The following SEMA6D variants were observed in gnomAD, a reference collection of about 807,000 sequenced individuals.
SEMA6D encodes semaphorin 6D.
SEMA6D carries 35 observed loss-of-function variants against 106.6 expected under a neutral mutation model. The ratio of observed to expected loss-of-function variants is 0.33; its 90% confidence interval spans 0.25 to 0.44. SEMA6D has a LOEUF of 0.44. Ranked by LOEUF, SEMA6D falls within the 20% of genes least tolerant of loss-of-function variation. The pLI, the probability that SEMA6D is intolerant of heterozygous loss-of-function variation, is 1.00. For missense variants in SEMA6D, 1,185 were observed against 1,345.9 expected, an observed-to-expected ratio of 0.88 and a Z score of 1.87; for synonymous variants, 499 against 487.7, an observed-to-expected ratio of 1.02 and a Z score of -0.31.
intron 1 of SEMA6D, among the ~76,000 whole-genome samples, chr15:47,352,841 A>G (rs1236562426): frequency 2.0e-5 from 3 of 152,204 alleles, no homozygotes; most frequent in African/African-American, 4.8e-5. Flanking sequence ...GTCACCCAAG[A>G]GGGTTTATCT....
At chr15:47,192,832 G>A (rs776843702) in intron 1 of SEMA6D, among the ~76,000 whole-genome samples, 1 of 152,162 alleles carries the variant, frequency 6.6e-6, no homozygotes, top group Non-Finnish European at 1.5e-5. Context: ...CACAGAAAAT[G>A]TCTACTGAAT....
At chr15:47,506,028 G>T (rs1332396459) in intron 3 of SEMA6D, among the ~76,000 whole-genome samples, 1 of 152,152 alleles carries the variant, frequency 6.6e-6, no homozygotes, top group Admixed American at 6.5e-5. Context: ...AACTCTACCC[G>T]AGGAACAAAG....
chr15:47,752,953 G>A (rs2081525340), intron 1 of SEMA6D, among the ~76,000 whole-genome samples: 1 of 151,914 alleles, frequency 6.6e-6, no homozygotes. Context: ...AGATTGCAGT[G>A]AGCCAAGGTT....
chr15:47,634,699 C>T (rs1379203859), intron 4 of SEMA6D, among the ~76,000 whole-genome samples: 4 of 152,078 alleles, frequency 2.6e-5, no homozygotes, highest in Non-Finnish European at 5.9e-5. Flanking sequence ...CTTGCTGACA[C>T]TACCCTGGTG....
chr15:47,332,230 T>C (rs775489440), intron 1 of SEMA6D, among the ~76,000 whole-genome samples: 7 of 152,208 alleles, frequency 4.6e-5, no homozygotes, highest in Admixed American at 6.5e-5. Context: ...CTTGTTTACA[T>C]AATAACTGAG....
rs1337331853 is a variant in SEMA6D at position 47,330,384 on chromosome 15, T to C, written c.-238-82009T>C. On this transcript the variant is annotated intron_variant, in intron 1 of 19. Transcript: ENST00000558014. ...AGGGATCATTAAATAGGTCAGACCT[T>C]CTATGGAGTTGGTGAACAGTGGTGA... 3.9e-5 allele frequency among the ~76,000 whole-genome samples: 6 copies of C among 152,140 alleles called. No homozygotes were observed. In the East Asian group the frequency reaches 1.2e-3, roughly 29 times the overall value.
At chr15:47,697,573 GTAA>G (rs1566995170) in intron 4 of SEMA6D, among the ~76,000 whole-genome samples, 3 of 152,024 alleles carry the variant, frequency 2.0e-5, no homozygotes, top group Admixed American at 1.3e-4. Context: ...TTATTTTTAG[GTAA>G]TAATTTAATA....
intron 1 of SEMA6D, among the ~76,000 whole-genome samples, chr15:47,259,820 T>G (rs1290083640): frequency 6.6e-6 from 1 of 152,130 alleles, no homozygotes; most frequent in Non-Finnish European, 1.5e-5. Flanking sequence ...GAGTGTTGGA[T>G]TTTTTGTCAT....
At chr15:47,407,411 A>AC (rs1160499169) in intron 1 of SEMA6D, among the ~76,000 whole-genome samples, 2 of 149,856 alleles carry the variant, frequency 1.3e-5, no homozygotes, top group African/African-American at 4.9e-5. Context: ...AACAACAACA[A>AC]AAAAAACAAA....
intron 1 of SEMA6D, among the ~76,000 whole-genome samples, chr15:47,305,656 G>A (rs1332763811): frequency 6.6e-6 from 1 of 152,132 alleles, no homozygotes; most frequent in Non-Finnish European, 1.5e-5. Flanking sequence ...TTCTTCTGAA[G>A]CACATGTTAA....
intron 1 of SEMA6D, among the ~76,000 whole-genome samples, chr15:47,289,271 G>A (rs866529942): frequency 3.3e-5 from 5 of 151,504 alleles, no homozygotes; most frequent in Admixed American, 6.6e-5. Context: ...GCCTGCACCT[G>A]TAATCCCAGC....
intron 2 of SEMA6D, among the ~76,000 whole-genome samples, chr15:47,424,615 G>T (rs886590552): frequency 6.6e-6 from 1 of 151,906 alleles, no homozygotes; most frequent in African/African-American, 2.4e-5. Flanking sequence ...GAATATCCTT[G>T]GTGCAAAGCA....
At chr15:47,396,163 T>A (rs961049977) in intron 1 of SEMA6D, among the ~76,000 whole-genome samples, 8 of 152,118 alleles carry the variant, frequency 5.3e-5, no homozygotes, top group African/African-American at 1.9e-4. Context: ...ATCTTGGACT[T>A]CCAGTCTCCA....
At chr15:47,747,907 G>A (rs1043829924) in intron 1 of SEMA6D, among the ~76,000 whole-genome samples, 3 of 152,212 alleles carry the variant, frequency 2.0e-5, no homozygotes, top group Non-Finnish European at 4.4e-5. Context: ...ATATTTGTTA[G>A]GTAGTGAAGA....
intron 15 of SEMA6D, 130 bp from the exon 16 acceptor site, chr15:47,766,486 T>C: frequency 1.4e-6 from 1 of 713,824 alleles, no homozygotes; most frequent in Non-Finnish European, 2.3e-6. Context: ...TATGTTAAAA[T>C]GTTGTTTTTT....
chr15:47,260,967 C>T (rs1164766299), intron 1 of SEMA6D, among the ~76,000 whole-genome samples: 3 of 152,008 alleles, frequency 2.0e-5, no homozygotes, highest in South Asian at 2.1e-4. Context: ...CCTAAGGTAC[C>T]GTATTGCTTT....
At chr15:47,506,753 G>T (rs1797221) in intron 3 of SEMA6D, among the ~76,000 whole-genome samples, 19,780 of 152,116 alleles carry the variant, frequency 0.13, 1,829 homozygotes, top group East Asian at 0.33. Context: ...TGGAAGCTAT[G>T]ACTGTATGGA....
chr15:47,662,617 G>A (rs1003409290), intron 4 of SEMA6D, among the ~76,000 whole-genome samples: 3 of 152,164 alleles, frequency 2.0e-5, no homozygotes, highest in East Asian at 3.9e-4. Flanking sequence ...CATTCTCCAC[G>A]TATACATATT....
chr15:47,552,892 A>ATATATATATATTTT (rs1555389713), intron 3 of SEMA6D, among the ~76,000 whole-genome samples: 2 of 10,418 alleles, frequency 1.9e-4, no homozygotes, highest in Non-Finnish European at 3.4e-4. Context: ...ATATATATAA[A>ATATATATATATTTT]TATATATATA....
Sources: gnomAD v4.1 joint callset for allele counts (sites outside exome capture counted in the v4.1 genomes callset) on GRCh38, gnomAD v4.1.1 for gene constraint, MANE v1.5 for transcripts, NCBI Gene and HGNC (gene_info 2026-07-23, HGNC 2026-07-21) for gene names.